Variants in ZFP82 observed in about 807,000 individuals in gnomAD.
ZFP82 encodes the protein ZFP82 zinc finger protein.
Under a neutral mutation model 54.0 loss-of-function variants are expected in ZFP82, and 30 were observed. The observed-to-expected ratio is 0.56, with a 90% CI of 0.42 to 0.75. ZFP82 has a LOEUF of 0.75. ZFP82 is among the 30% of genes least tolerant of loss of function. The pLI is 0.00. For synonymous variants in ZFP82, 194 were observed against 209.5 expected, an observed-to-expected ratio of 0.93 and a Z score of 0.64; for missense variants, 500 against 636.8, an observed-to-expected ratio of 0.79 and a Z score of 2.31.
chr19:36,416,882 G>C (rs2032680476), intron 1 of ZFP82, among the ~76,000 whole-genome samples: 1 of 149,820 alleles, frequency 6.7e-6, no homozygotes, highest in Non-Finnish European at 1.5e-5. Flanking sequence ...AGACCAGCCT[G>C]GCCAACATGG....
In ZFP82 at chr19:36,394,321, T is replaced by C. The variant is rs531285066; in HGVS notation, c.230-211A>G. On this transcript the variant is annotated intron_variant, in intron 4 of 4. Coordinates refer to ENST00000392161, the MANE Select transcript of ZFP82 (RefSeq NM_133466.4). ...GCAAGATTGGTGATGAAGTAAACAT[T>C]TTAAGTCAGTGGTTCTCATATTGAG... is the stretch of plus-strand genomic sequence containing the variant. The C allele has an allele frequency of 5.3e-4, 275 of 518,842 alleles. 1 individual carries two copies. Among genetic ancestry groups the C allele is most frequent in the Non-Finnish European group, 8.6e-4 (254 of 296,562 alleles). 32.1% of individuals were successfully genotyped at this position (518,842 alleles called of 1,614,324 possible).
At chr19:36,409,409 G>A (rs2032539065) in intron 2 of ZFP82, among the ~76,000 whole-genome samples, 1 of 152,080 alleles carries the variant, frequency 6.6e-6, no homozygotes, top group South Asian at 2.1e-4. Flanking sequence ...AGGGATTACA[G>A]GTGCAAGCCA....
At chr19:36,407,824 T>C in intron 3 of ZFP82, 63 bp downstream of exon 3, 1 of 1,542,914 alleles carries the variant, frequency 6.5e-7, no homozygotes, top group Non-Finnish European at 8.8e-7. Flanking sequence ...TCTTGAAATT[T>C]CCACAGGAAA....
chr19:36,398,882 CA>C (rs1396649172), intron 4 of ZFP82, among the ~76,000 whole-genome samples: 1 of 151,608 alleles, frequency 6.6e-6, no homozygotes, highest in Admixed American at 6.6e-5. Flanking sequence ...ATTATCTTAC[CA>C]AAAAGGCAGC....
chr19:36,406,283 A>T (rs2032480256), intron 3 of ZFP82, among the ~76,000 whole-genome samples: 1 of 152,168 alleles, frequency 6.6e-6, no homozygotes, highest in Non-Finnish European at 1.5e-5. Flanking sequence ...AACCTACCTA[A>T]GTGTACAATT....
At chr19:36,395,322 T>A (rs1273438329) in intron 4 of ZFP82, 3 of 152,220 alleles carry the variant, frequency 2.0e-5, no homozygotes, top group Non-Finnish European at 4.4e-5. Flanking sequence ...TGTTCTTTCC[T>A]CCCATTGCTC....
In ZFP82 at chr19:36,414,545, G is replaced by A. The variant is rs534720351; in HGVS notation, c.-79+3947C>T. On this transcript the variant is annotated intron_variant, in intron 1 of 4. Transcript: ENST00000392161. ...CACCCGGCTGATTTTTTGTATTTTAGTACAGACAGGGTTTCACCATGTTGG... is the reference window on the plus strand; with the variant it reads ...CACCCGGCTGATTTTTTGTATTTTAATACAGACAGGGTTTCACCATGTTGG... Among the ~76,000 whole-genome samples the A allele has an allele frequency of 3.3e-5, 5 of 151,364 alleles. No homozygotes were observed. The East Asian group carries it at 9.9e-4, about 30-fold the overall frequency.
At chr19:36,396,450 A>G (rs967324236) in intron 4 of ZFP82, among the ~76,000 whole-genome samples, 3 of 152,054 alleles carry the variant, frequency 2.0e-5, no homozygotes, top group Admixed American at 6.5e-5. Context: ...GATCGAGACC[A>G]TCCTGACTAA....
At position 36,391,388 on chromosome 19, in the gene ZFP82, T is replaced by C. The variant is rs989224566; in HGVS notation, c.*1353A>G. The C allele has an allele frequency of 1.3e-5, 2 of 151,990 alleles. No individual in the cohort carries two copies. Among genetic ancestry groups the C allele is most frequent in the African/African-American group, 2.4e-5 (1 of 41,398 alleles). 9.4% of individuals were successfully genotyped at this position (151,990 alleles called of 1,614,324 possible). A position where few individuals can be genotyped will look rare whatever the true frequency, so the allele number is the denominator to read the frequency against. On this transcript the variant is annotated 3_prime_UTR_variant, in exon 5 of 5. Transcript: ENST00000392161. ...TTAAAAAATTAATGGGGCTTCATAA[T>C]ACAGGTGACTTTTAATTTCCAAAGT... is the stretch of plus-strand genomic sequence containing the variant.
rs1429938835 is a variant in ZFP82 at position 36,418,541 on chromosome 19, C to G, written c.-128G>C. On this transcript the variant is annotated 5_prime_UTR_variant, in exon 1 of 5. Transcript: ENST00000392161. ...CGCTTTTCCTACAGATTACCAGGACCGACGCTCCGGGCCAGGACTGCTCAC... is the reference window on the plus strand; with the variant it reads ...CGCTTTTCCTACAGATTACCAGGACGGACGCTCCGGGCCAGGACTGCTCAC... 6.6e-6 allele frequency: 1 copy of G among 152,228 alleles called. No homozygotes were observed. The highest frequency in any genetic ancestry group is 2.4e-5 in the African/African-American group (1 of 41,468). The allele number at this position is 152,228 out of a possible 1,614,324, so 9.4% of individuals were successfully genotyped here. A position where few individuals can be genotyped will look rare whatever the true frequency, so the allele number is the denominator to read the frequency against.
chr19:36,394,384 C>T, intron 4 of ZFP82: 1 of 382,534 alleles, frequency 2.6e-6, no homozygotes. Context: ...GTTACTAACA[C>T]TGAGGTTTAG....
chr19:36,409,947 CCT>C (rs2032549247), intron 1 of ZFP82, 80 bp from the exon 2 acceptor site: 4 of 700,872 alleles, frequency 5.7e-6, no homozygotes, highest in African/African-American at 1.8e-5. Flanking sequence ...TGACCTTTCC[CCT>C]CTCTTCTGAT....
chr19:36,387,338 A>G (rs1301889958), downstream of ZFP82, among the ~76,000 whole-genome samples: 1 of 152,188 alleles, frequency 6.6e-6, no homozygotes, highest in Non-Finnish European at 1.5e-5. Context: ...TTGATCCCCA[A>G]TGCAATAGTA....
At position 36,390,329 on chromosome 19, in the gene ZFP82, G is replaced by GCCTTTTTTTTTTTTTT. The variant is rs373296227; in HGVS notation, c.*2411_*2412insAAAAAAAAAAAAAAGG. On this transcript the variant is annotated 3_prime_UTR_variant, in exon 5 of 5. Transcript: ENST00000392161. Reference sequence around the variant, plus strand: ...CTTTAAAGTGTAGGATTCCATTTTTGTCTTTTTTTTTTTTTTTTTTGACAT... The same window carrying GCCTTTTTTTTTTTTTT: ...CTTTAAAGTGTAGGATTCCATTTTTGCCTTTTTTTTTTTTTTTCTTTTTTTTTTTTTTTTTTGACAT... The GCCTTTTTTTTTTTTTT allele has an allele frequency of 5.0e-5, 6 of 120,376 alleles. 1 individual carries two copies. The highest frequency in any genetic ancestry group is 3.3e-5 in the Non-Finnish European group (2 of 60,626). The allele number at this position is 120,376 out of a possible 1,614,324, so 7.5% of individuals were successfully genotyped here.
intron 4 of ZFP82, 198 bp from the exon 5 acceptor site, chr19:36,394,308 A>T: frequency 1.8e-6 from 1 of 553,098 alleles, no homozygotes; most frequent in Non-Finnish European, 3.1e-6. Context: ...AAGATTGGTG[A>T]TGAAGTAAAC....
downstream of ZFP82, among the ~76,000 whole-genome samples, chr19:36,387,911 G>A (rs937393559): frequency 2.0e-4 from 31 of 152,198 alleles, 2 homozygotes. Context: ...ATCACACCCA[G>A]CCAGTATTCT....
chr19:36,395,028 C>G (rs957906669), intron 4 of ZFP82: 3 of 152,320 alleles, frequency 2.0e-5, no homozygotes, highest in African/African-American at 7.2e-5. Flanking sequence ...CTCTCTGCCT[C>G]TAGTCTCTCA....
At chr19:36,397,979 T>C (rs2032325086) in intron 4 of ZFP82, among the ~76,000 whole-genome samples, 1 of 152,182 alleles carries the variant, frequency 6.6e-6, no homozygotes, top group African/African-American at 2.4e-5. Context: ...TCAATTCCCA[T>C]AGAGCAAATA....
chr19:36,408,684 G>A (rs1030689814), intron 2 of ZFP82, among the ~76,000 whole-genome samples: 13 of 152,026 alleles, frequency 8.6e-5, no homozygotes, highest in Non-Finnish European at 1.8e-4. Context: ...TGGGCCTGGT[G>A]GCACATGCCT....
Sources: allele counts gnomAD v4.1 joint callset (sites outside exome capture counted in the v4.1 genomes callset), GRCh38; gene constraint gnomAD v4.1.1; transcripts MANE v1.5; gene names NCBI Gene and HGNC (gene_info 2026-07-23, HGNC 2026-07-21).